The following ZCCHC7 variants were observed in gnomAD, a reference collection of about 807,000 sequenced individuals.
ZCCHC7 encodes the protein zinc finger CCHC domain-containing protein 7.
A neutral mutation model predicts 52.0 loss-of-function variants in ZCCHC7; 35 were observed. The ratio of observed to expected loss-of-function variants is 0.67; its 90% CI spans 0.51 to 0.89. The LOEUF is 0.89. Among genes scored for constraint, ZCCHC7 ranks in the 40% least tolerant of loss-of-function variants. The pLI is 0.00. For synonymous variants in ZCCHC7, 217 were observed against 221.5 expected, an observed-to-expected ratio of 0.98 and a Z score of 0.18; for missense variants, 574 against 649.1, an observed-to-expected ratio of 0.88 and a Z score of 1.26.
In ZCCHC7 at chr9:37,213,167, G is replaced by A. The variant is rs113435559; in HGVS notation, c.610+86225G>A. Reference sequence around the variant, plus strand: ...GTTTAGTACCAAGAAGGATTAATGAGGATAACCACAAATTATTTGAGCTTC... The same window carrying A: ...GTTTAGTACCAAGAAGGATTAATGAAGATAACCACAAATTATTTGAGCTTC... On this transcript the variant is annotated intron_variant, in intron 2 of 8. Transcript: ENST00000336755. Among the ~76,000 whole-genome samples, 9 of 152,200 alleles carry A rather than the reference G, an allele frequency of 5.9e-5. 1 individual carries two copies. Among genetic ancestry groups the A allele is most frequent in the African/African-American group, 1.9e-4 (8 of 41,540 alleles).
At chr9:37,321,388 C>T (rs1419352221) in intron 5 of ZCCHC7, among the ~76,000 whole-genome samples, 2 of 152,064 alleles carry the variant, frequency 1.3e-5, no homozygotes, top group East Asian at 3.9e-4. Flanking sequence ...CTCAGTCTCC[C>T]AAAGTGCTGG....
chr9:37,285,624 A>G (rs1336448287), intron 2 of ZCCHC7, among the ~76,000 whole-genome samples: 2 of 152,216 alleles, frequency 1.3e-5, no homozygotes, highest in Non-Finnish European at 2.9e-5. Context: ...TTATCCTGCT[A>G]GTTGATCAAG....
intron 2 of ZCCHC7, among the ~76,000 whole-genome samples, chr9:37,168,328 T>C (rs1821540645): frequency 6.6e-6 from 1 of 152,224 alleles, no homozygotes; most frequent in Non-Finnish European, 1.5e-5. Context: ...CCCTGTTAAT[T>C]TATCTGAGTT....
At chr9:37,221,945 A>T (rs1178050113) in intron 2 of ZCCHC7, among the ~76,000 whole-genome samples, 1 of 152,144 alleles carries the variant, frequency 6.6e-6, no homozygotes, top group East Asian at 1.9e-4. Flanking sequence ...ATTCATAAAG[A>T]TTCATTTTCA....
chr9:37,154,383 AAT>A (rs1467998570), intron 2 of ZCCHC7, among the ~76,000 whole-genome samples: 2 of 152,238 alleles, frequency 1.3e-5, no homozygotes, highest in Non-Finnish European at 2.9e-5. Context: ...GAACTGTTTG[AAT>A]ATCAAGGTGT....
At chr9:37,338,445 A>G (rs911734185) in intron 6 of ZCCHC7, among the ~76,000 whole-genome samples, 4 of 152,208 alleles carry the variant, frequency 2.6e-5, no homozygotes, top group Non-Finnish European at 4.4e-5. Context: ...AAATGAAGAC[A>G]TAAGTATACA....
chr9:37,332,154 T>C (rs1830474450), intron 6 of ZCCHC7, among the ~76,000 whole-genome samples: 1 of 151,612 alleles, frequency 6.6e-6, no homozygotes, highest in African/African-American at 2.4e-5. Context: ...AGACATTACA[T>C]CTCTGCCAAA....
At position 37,126,711 on chromosome 9, in the gene ZCCHC7, G is replaced by A; in HGVS notation, c.379G>A (p.Glu127Lys). Residue 127 changes from glutamate to lysine, a missense_variant, in exon 2 of 9, where the codon GAG (glutamate) becomes AAG (lysine). Glu to Lys is a moderately conservative substitution (Grantham distance 56). Transcript: ENST00000336755. Reference sequence around the variant, plus strand: ...TCTTTCTTCTTCTCTTCAATCTAATGAGCTGGTTGATAAGAAATGCAAGAG... The same window carrying A: ...TCTTTCTTCTTCTCTTCAATCTAATAAGCTGGTTGATAAGAAATGCAAGAG... ...HGLSSSLQSN[E>K]LVDKKCKSDI... 6.2e-7 allele frequency: 1 copy of A among 1,614,108 alleles called. No homozygotes were observed. The highest frequency in any genetic ancestry group is 8.5e-7 in the Non-Finnish European group (1 of 1,180,008).
At chr9:37,259,435 T>A (rs1826758689) in intron 2 of ZCCHC7, among the ~76,000 whole-genome samples, 1 of 152,202 alleles carries the variant, frequency 6.6e-6, no homozygotes, top group South Asian at 2.1e-4. Context: ...GTTTCATTTT[T>A]AATTTATATA....
chr9:37,271,867 G>A (rs1439117880), intron 2 of ZCCHC7, among the ~76,000 whole-genome samples: 1 of 152,138 alleles, frequency 6.6e-6, no homozygotes, highest in Non-Finnish European at 1.5e-5. Context: ...ACTGCGCCCG[G>A]CCATTATTTA....
chr9:37,198,591 T>G (rs1564173202), intron 2 of ZCCHC7, among the ~76,000 whole-genome samples: 2 of 152,188 alleles, frequency 1.3e-5, no homozygotes, highest in East Asian at 1.9e-4. Flanking sequence ...GGAATTAAGA[T>G]AATACAAAGT....
chr9:37,347,957 C>A (rs1821093962), intron 6 of ZCCHC7, among the ~76,000 whole-genome samples: 1 of 152,346 alleles, frequency 6.6e-6, no homozygotes, highest in African/African-American at 2.4e-5. Flanking sequence ...ACCTTCCCTT[C>A]TATGTCCATT....
At chr9:37,206,828 C>G (rs190598137) in intron 2 of ZCCHC7, among the ~76,000 whole-genome samples, 1 of 152,094 alleles carries the variant, frequency 6.6e-6, no homozygotes, top group African/African-American at 2.4e-5. Context: ...TTCAACTTAC[C>G]TATTTCCTTT....
chr9:37,185,929 T>C (rs1341264524), intron 2 of ZCCHC7, among the ~76,000 whole-genome samples: 2 of 95,510 alleles, frequency 2.1e-5, no homozygotes, highest in Non-Finnish European at 5.2e-5. Context: ...GCATTTTATT[T>C]ATTTATTTAT....
At chr9:37,156,215 T>C (rs950321074) in intron 2 of ZCCHC7, among the ~76,000 whole-genome samples, 1 of 152,256 alleles carries the variant, frequency 6.6e-6, no homozygotes, top group Non-Finnish European at 1.5e-5. Context: ...CACATTTTTG[T>C]GAACATTTAT....
intron 2 of ZCCHC7, among the ~76,000 whole-genome samples, chr9:37,233,686 G>A (rs1825509763): frequency 6.6e-6 from 1 of 152,144 alleles, no homozygotes; most frequent in Non-Finnish European, 1.5e-5. Context: ...TAGTATTGCA[G>A]TGGAGCCACA....
At chr9:37,218,769 A>C (rs1173642512) in intron 2 of ZCCHC7, among the ~76,000 whole-genome samples, 1 of 152,200 alleles carries the variant, frequency 6.6e-6, no homozygotes, top group Non-Finnish European at 1.5e-5. Context: ...AGATTGCGCC[A>C]CTGCACTCCA....
Position 37,272,447 on chromosome 9 carries a change from C to T in ZCCHC7, c.611-29741C>T, listed in dbSNP as rs577355881. On this transcript the variant is annotated intron_variant, in intron 2 of 8. Transcript: ENST00000336755. Reference sequence around the variant, plus strand: ...ATTGAACACCTATGTAACCATCACCCGGGTCAAGAAATAGGACCCTTTACA... The same window carrying T: ...ATTGAACACCTATGTAACCATCACCTGGGTCAAGAAATAGGACCCTTTACA... 1.7e-4 allele frequency among the ~76,000 whole-genome samples: 26 copies of T among 149,260 alleles called. No individual in the cohort carries two copies. The East Asian group carries it at 3.5e-3, about 20-fold the overall frequency.
intron 5 of ZCCHC7, among the ~76,000 whole-genome samples, chr9:37,309,000 G>A (rs897553804): frequency 2.7e-5 from 4 of 145,640 alleles, no homozygotes; most frequent in African/African-American, 1.0e-4. Flanking sequence ...AAAAAAAACA[G>A]CCTGGGCAAC....
Sources: gnomAD v4.1 joint callset for allele counts (sites outside exome capture counted in the v4.1 genomes callset) on GRCh38, gnomAD v4.1.1 for gene constraint, MANE v1.5 for transcripts, NCBI Gene and HGNC (gene_info 2026-07-23, HGNC 2026-07-21) for gene names.